The following SNX14 variants were observed in gnomAD, a reference collection of about 807,000 sequenced individuals.
SNX14 encodes sorting nexin 14, also known as sorting nexin-14.
A neutral mutation model predicts 133.8 loss-of-function variants in SNX14; 93 were observed. The ratio of observed to expected loss-of-function variants is 0.70; its 90% confidence interval spans 0.59 to 0.83. The LOEUF (loss-of-function observed/expected upper bound fraction) is 0.83, where lower values mean the gene tolerates loss of function less well. Among genes scored for constraint, SNX14 ranks in the 40% least tolerant of loss-of-function variants. SNX14 has a pLI of 0.00. For missense variants in SNX14, 945 were observed against 1,094.9 expected (o/e 0.86, Z 1.93); for synonymous variants, 368 against 365.6 (o/e 1.01, Z -0.07).
intron 26 of SNX14, chr6:85,508,520 T>C (rs1771576762): frequency 3.0e-6 from 1 of 336,834 alleles, no homozygotes; most frequent in African/African-American, 2.2e-5. Flanking sequence ...GAAGATAGCT[T>C]CTACTTTTTA....
At chr6:85,553,766 AC>A (rs1451177637) in intron 7 of SNX14, among the ~76,000 whole-genome samples, 4 of 147,976 alleles carry the variant, frequency 2.7e-5, no homozygotes, top group African/African-American at 7.5e-5. Context: ...AGCCTCGGCG[AC>A]AGAGCAAGAC....
intron 7 of SNX14, among the ~76,000 whole-genome samples, chr6:85,557,687 C>G (rs917676755): frequency 1.3e-5 from 2 of 151,968 alleles, no homozygotes; most frequent in African/African-American, 2.4e-5. Context: ...CCATTGAAAC[C>G]ATTAAGGAGA....
intron 7 of SNX14, among the ~76,000 whole-genome samples, chr6:85,552,592 A>C (rs1409598029): frequency 1.3e-5 from 2 of 152,202 alleles, no homozygotes; most frequent in East Asian, 3.9e-4. Flanking sequence ...AGAAAATAAT[A>C]ACATAAACAA....
intron 6 of SNX14, among the ~76,000 whole-genome samples, chr6:85,562,554 C>T (rs1043700550): frequency 6.8e-6 from 1 of 146,238 alleles, no homozygotes; most frequent in African/African-American, 2.5e-5. Context: ...AATTATACTG[C>T]AATAAATCTT....
At chr6:85,583,096 G>T (rs1466859917) in intron 1 of SNX14, among the ~76,000 whole-genome samples, 1 of 152,112 alleles carries the variant, frequency 6.6e-6, no homozygotes, top group Non-Finnish European at 1.5e-5. Context: ...TGCAAGGCTG[G>T]TTCAACATAC....
At chr6:85,553,292 T>C (rs559968723) in intron 7 of SNX14, among the ~76,000 whole-genome samples, 1 of 152,322 alleles carries the variant, frequency 6.6e-6, no homozygotes, top group South Asian at 2.1e-4. Flanking sequence ...ATAGTTTTTA[T>C]AAAAAACGCA....
chr6:85,550,188 T>C (rs1439477803), intron 7 of SNX14, among the ~76,000 whole-genome samples: 3 of 152,260 alleles, frequency 2.0e-5, no homozygotes, highest in East Asian at 1.9e-4. Context: ...GGTTGCAAGG[T>C]TGCAGTGAAT....
intron 4 of SNX14, among the ~76,000 whole-genome samples, chr6:85,569,052 A>C (rs1438765519): frequency 6.7e-6 from 1 of 149,394 alleles, no homozygotes; most frequent in Non-Finnish European, 1.5e-5. Context: ...CTCAACCTCC[A>C]CCTCCAGGGT....
chr6:85,570,537 T>C lies in SNX14; in HGVS notation c.417+1600A>G, dbSNP rs140834970. On this transcript the variant is annotated intron_variant, in intron 4 of 28. Coordinates refer to ENST00000314673, the MANE Select transcript of SNX14 (RefSeq NM_153816.6). ...ACCCAACACATCCAAAATATTATCA[T>C]TTCAACATGTAATCAATATAAAAAA... Among the ~76,000 whole-genome samples, 8 of 152,310 alleles carry C rather than the reference T, an allele frequency of 5.3e-5. No individual in the cohort carries two copies. The East Asian group carries it at 1.5e-3, about 29-fold the overall frequency.
chr6:85,567,470 A>C, intron 5 of SNX14, 64 bp downstream of exon 5: 43 of 1,084,076 alleles, frequency 4.0e-5, no homozygotes, highest in Non-Finnish European at 5.5e-5. Context: ...ACATGTCATT[A>C]GCATGCTTAA....
intron 14 of SNX14, 78 bp downstream of exon 14, chr6:85,543,104 A>G: frequency 8.0e-7 from 1 of 1,252,112 alleles, no homozygotes; most frequent in Non-Finnish European, 1.1e-6. Flanking sequence ...TGTTATTTGA[A>G]TCACTCATCT....
chr6:85,554,482 T>G (rs1366411918), intron 7 of SNX14, among the ~76,000 whole-genome samples: 1 of 152,118 alleles, frequency 6.6e-6, no homozygotes, highest in Non-Finnish European at 1.5e-5. Flanking sequence ...TATGCTCACA[T>G]GTAGAGCCAA....
chr6:85,590,751 C>T (rs1001170069), intron 1 of SNX14, among the ~76,000 whole-genome samples: 12 of 152,124 alleles, frequency 7.9e-5, no homozygotes, highest in African/African-American at 2.9e-4. Flanking sequence ...AGCAATTCTG[C>T]CCCCACATAA....
chr6:85,511,783 T>C (rs1478506434), intron 26 of SNX14, among the ~76,000 whole-genome samples: 3 of 152,250 alleles, frequency 2.0e-5, no homozygotes, highest in Admixed American at 1.3e-4. Context: ...ATCCCTGCCA[T>C]ATCTGACTCT....
chr6:85,556,582 G>A (rs1206234655), intron 7 of SNX14, among the ~76,000 whole-genome samples: 1 of 148,960 alleles, frequency 6.7e-6, no homozygotes, highest in South Asian at 2.1e-4. Flanking sequence ...GTCATTCTCC[G>A]GCCTCAGCCT....
intron 7 of SNX14, among the ~76,000 whole-genome samples, chr6:85,552,705 C>T (rs1466339605): frequency 6.6e-6 from 1 of 152,144 alleles, no homozygotes; most frequent in Non-Finnish European, 1.5e-5. Flanking sequence ...AACCTGGACC[C>T]CCATTAGATA....
chr6:85,519,619 C>T (rs1342556141), intron 21 of SNX14, among the ~76,000 whole-genome samples: 1 of 152,184 alleles, frequency 6.6e-6, no homozygotes, highest in African/African-American at 2.4e-5. Flanking sequence ...GCCTGTAATC[C>T]CAGCACTTTG....
At chr6:85,530,324 A>G in intron 18 of SNX14, 49 bp from the exon 19 acceptor site, 1 of 1,174,470 alleles carries the variant, frequency 8.5e-7, no homozygotes, top group Non-Finnish European at 1.2e-6. Flanking sequence ...TTCAAAACCT[A>G]AAAGAATGCC....
chr6:85,559,855 A>G (rs1297056898), intron 6 of SNX14, among the ~76,000 whole-genome samples: 1 of 152,234 alleles, frequency 6.6e-6, no homozygotes, highest in African/African-American at 2.4e-5. Flanking sequence ...ACATTTCTTC[A>G]AAGAAGGCAG....
Sources: allele counts gnomAD v4.1 joint callset (sites outside exome capture counted in the v4.1 genomes callset), GRCh38; gene constraint gnomAD v4.1.1; transcripts MANE v1.5; gene names NCBI Gene and HGNC (gene_info 2026-07-23, HGNC 2026-07-21).